RAPH1: variants seen among roughly 807,000 people sequenced by gnomAD.
The protein encoded by RAPH1 is ras-associated and pleckstrin homology domains-containing protein 1.
RAPH1 carries 18 observed loss-of-function variants against 88.1 expected under a neutral mutation model. That is an observed-to-expected ratio of 0.20 (90% CI 0.14 to 0.30). The LOEUF is 0.30. Ranked by LOEUF, RAPH1 falls within the 10% of genes least tolerant of loss-of-function variation. The pLI is 1.00. For synonymous variants in RAPH1, 587 were observed against 559.0 expected (o/e 1.05, Z -0.71); for missense variants, 1,448 against 1,543.2 (o/e 0.94, Z 1.03).
intron 1 of RAPH1, among the ~76,000 whole-genome samples, chr2:203,530,296 A>T: frequency 6.6e-6 from 1 of 152,234 alleles, no homozygotes; most frequent in East Asian, 1.9e-4. Flanking sequence ...TGGCAAAAGC[A>T]TTGCTATTTT....
In RAPH1 at chr2:203,448,592, A is replaced by G; in HGVS notation, c.1512+146T>C. The G allele has an allele frequency of 2.0e-6, 1 of 511,830 alleles. No homozygotes were observed. 31.7% of individuals were successfully genotyped at this position (511,830 alleles called of 1,614,324 possible). On this transcript the variant is annotated intron_variant, in intron 11 of 13. Coordinates refer to ENST00000319170, the MANE Select transcript of RAPH1 (RefSeq NM_213589.3). The surrounding 1 kb of genome is among the most constrained non-coding windows in gnomAD (Gnocchi z 4.1). ...CCTATAAACAAGGAAAAAAGACAAC[A>G]TTTAAAACTTGAAACTTAGGCCTGA...
chr2:203,534,504 G>C (rs1174628338), intron 1 of RAPH1, among the ~76,000 whole-genome samples: 351 of 8,966 alleles, frequency 0.039, no homozygotes, highest in Non-Finnish European at 0.059. Flanking sequence ...CCCTCCCTCC[G>C]TCCACCCCCC....
At chr2:203,523,332 G>C (rs1353195398) in intron 1 of RAPH1, among the ~76,000 whole-genome samples, 4 of 151,438 alleles carry the variant, frequency 2.6e-5, no homozygotes, top group Non-Finnish European at 5.9e-5. Flanking sequence ...GGCGGAGCTT[G>C]CAGTGAGCTG....
At chr2:203,522,895 C>CAAAAAAAAAAAA (rs59862473) in intron 1 of RAPH1, among the ~76,000 whole-genome samples, 3 of 85,814 alleles carry the variant, frequency 3.5e-5, no homozygotes, top group African/African-American at 4.5e-5. Context: ...GACTCTGTCT[C>CAAAAAAAAAAAA]AAAAAAAAAA....
intron 8 of RAPH1, 140 bp downstream of exon 8, chr2:203,457,390 T>A (rs573730691): frequency 1.4e-6 from 1 of 740,016 alleles, no homozygotes; most frequent in African/African-American, 1.8e-5. Flanking sequence ...TTCACCATCT[T>A]GGGCAGGCTG....
intron 4 of RAPH1, chr2:203,477,150 T>G: frequency 6.2e-7 from 1 of 1,613,610 alleles, no homozygotes. Flanking sequence ...CTCAGAGAAA[T>G]AGCATGCTGT....
At chr2:203,514,514 C>A (rs1689508016) in intron 1 of RAPH1, among the ~76,000 whole-genome samples, 1 of 151,966 alleles carries the variant, frequency 6.6e-6, no homozygotes, top group East Asian at 1.9e-4. Flanking sequence ...TGAGCAGTAT[C>A]CCCCCAGGGT....
intron 4 of RAPH1, 42 bp from the exon 5 acceptor site, chr2:203,461,967 T>C (rs1163584615): frequency 3.3e-6 from 5 of 1,514,040 alleles, no homozygotes; most frequent in South Asian, 1.2e-5. Context: ...GCTAAGATGA[T>C]GAAATATTTG....
intron 1 of RAPH1, among the ~76,000 whole-genome samples, chr2:203,517,359 C>CAAAAAAAAAAAAAAAAAAAAAAA (rs71408943): frequency 6.2e-5 from 2 of 32,150 alleles, no homozygotes; most frequent in Non-Finnish European, 1.2e-4. Flanking sequence ...CTATGAGAGG[C>CAAAAAAAAAAAAAAAAAAAAAAA]AAAAAAAAAA....
Position 203,439,422 on chromosome 2 carries a change from A to G in RAPH1, c.*15T>C. On this transcript the variant is annotated 3_prime_UTR_variant, in exon 14 of 14. Coordinates refer to ENST00000319170, the MANE Select transcript of RAPH1 (RefSeq NM_213589.3). Reference sequence around the variant, plus strand: ...CAGTGATTACAGATATCATGAAAATAAAGTCCTATGGTGGCTACCAGTCTC... The same window carrying G: ...CAGTGATTACAGATATCATGAAAATGAAGTCCTATGGTGGCTACCAGTCTC... 2.5e-6 allele frequency: 4 copies of G among 1,605,822 alleles called. No individual in the cohort carries two copies. The highest frequency in any genetic ancestry group is 3.4e-6 in the Non-Finnish European group (4 of 1,173,830).
intron 1 of RAPH1, among the ~76,000 whole-genome samples, chr2:203,505,447 C>T (rs915373124): frequency 6.6e-6 from 1 of 151,920 alleles, no homozygotes; most frequent in African/African-American, 2.4e-5. Context: ...AATTACCCCC[C>T]CCGGGTCCCT....
intron 1 of RAPH1, among the ~76,000 whole-genome samples, chr2:203,529,935 C>T (rs183660503): frequency 2.6e-5 from 4 of 152,306 alleles, no homozygotes; most frequent in Admixed American, 1.3e-4. Context: ...CCTGCGTCTT[C>T]AGTGTCATCT....
rs1037080921 is a variant in RAPH1, at chr2:203,489,756, T to G, written c.560A>C (p.His187Pro). The stretch of plus-strand genomic sequence containing the variant: ...TGTGCCTGCTGACGCGGTTCTTCTG[T>G]GCTGATTAGTTACTAAGGGTTTAGT... ...EDTKPLVTNQ[H>P]RRTASAGTVS... Residue 187 changes from histidine (H) to proline (P), a missense_variant, in exon 4 of 14, where the codon CAC (histidine) becomes CCC (proline). His to Pro is a moderately conservative substitution (Grantham distance 77, BLOSUM62 -2). This residue lies in a region of RAPH1 where 513 missense variants were observed against 653.1 expected (regional missense o/e 0.79). Transcript: ENST00000319170. 6.2e-7 allele frequency: 1 copy of G among 1,614,200 alleles called. No homozygotes were observed. The highest frequency in any genetic ancestry group is 2.2e-5 in the East Asian group (1 of 44,882).
At chr2:203,497,177 G>C (rs1465468216) in intron 1 of RAPH1, among the ~76,000 whole-genome samples, 1 of 152,200 alleles carries the variant, frequency 6.6e-6, no homozygotes, top group Non-Finnish European at 1.5e-5. Context: ...CTTCTGCTAT[G>C]CAAGAGCACA....
chr2:203,500,856 T>C (rs1688710818), intron 1 of RAPH1, among the ~76,000 whole-genome samples: 1 of 152,218 alleles, frequency 6.6e-6, no homozygotes, highest in East Asian at 1.9e-4. Flanking sequence ...ACCCCAATTA[T>C]TCCTCTTCCA....
intron 1 of RAPH1, among the ~76,000 whole-genome samples, chr2:203,517,359 CAA>C (rs71408943): frequency 8.4e-4 from 27 of 32,152 alleles, no homozygotes; most frequent in Admixed American, 2.4e-3. Flanking sequence ...CTATGAGAGG[CAA>C]AAAAAAAAAA....
intron 13 of RAPH1, chr2:203,442,169 G>A: frequency 7.6e-7 from 1 of 1,313,854 alleles, no homozygotes; most frequent in Non-Finnish European, 1.0e-6. Flanking sequence ...AAATTAAGAG[G>A]AAGCTCTGGA....
chr2:203,483,666 G>T (rs1346357902), intron 4 of RAPH1, among the ~76,000 whole-genome samples: 1 of 152,200 alleles, frequency 6.6e-6, no homozygotes, highest in East Asian at 1.9e-4. Context: ...CAGAGGAGAT[G>T]GTGTGTGAAC....
At chr2:203,517,341 G>A (rs1370071333) in intron 1 of RAPH1, among the ~76,000 whole-genome samples, 8 of 102,482 alleles carry the variant, frequency 7.8e-5, no homozygotes, top group Non-Finnish European at 1.1e-4. Flanking sequence ...TAACAACAGA[G>A]CATCAAACTA....
Sources: gnomAD v4.1 joint callset for allele counts (sites outside exome capture counted in the v4.1 genomes callset) on GRCh38, gnomAD v4.1.1 for gene constraint, gnomAD v4.1.1 regional missense constraint, Gnocchi (gnomAD v3.1) non-coding constraint, MANE v1.5 for transcripts, NCBI Gene and HGNC (gene_info 2026-07-23, HGNC 2026-07-21) for gene names.